The following ASTN2 variants were observed in gnomAD, a reference collection of about 807,000 sequenced individuals.
ASTN2 encodes astrotactin 2, also known as astrotactin-2.
A neutral mutation model predicts 139.8 loss-of-function variants in ASTN2; 54 were observed. The observed-to-expected ratio is 0.39, with a 90% CI of 0.31 to 0.48. ASTN2 has a LOEUF of 0.48. ASTN2 is among the 20% of genes least tolerant of loss of function. The pLI, the probability that ASTN2 is intolerant of heterozygous loss-of-function variation, is 0.95. For synonymous variants in ASTN2, 756 were observed against 719.5 expected (o/e 1.05, Z -0.81); for missense variants, 1,565 against 1,725.1 (o/e 0.91, Z 1.64).
At chr9:117,250,601 C>T (rs546268855) in intron 2 of ASTN2, among the ~76,000 whole-genome samples, 24 of 152,196 alleles carry the variant, frequency 1.6e-4, no homozygotes, top group Non-Finnish European at 2.9e-5. Flanking sequence ...GAAGCACCTA[C>T]TATTAGGTTG....
chr9:117,300,914 GCCTCTGCCTCCAAT>G (rs1433418652), intron 1 of ASTN2, among the ~76,000 whole-genome samples: 2 of 152,156 alleles, frequency 1.3e-5, no homozygotes, highest in Admixed American at 6.5e-5. Context: ...GCTCATCTCT[GCCTCTGCCTCCAAT>G]CTGCCCATTA....
intron 3 of ASTN2, among the ~76,000 whole-genome samples, chr9:117,187,661 G>A (rs531642026): frequency 7.6e-4 from 115 of 152,210 alleles, no homozygotes; most frequent in African/African-American, 2.6e-3. Context: ...GATGCCCTGC[G>A]CTGCCTCAGG....
rs901358396 is a variant in ASTN2, at chr9:116,890,964, GCT to G, written c.1890-27233_1890-27232del. On this transcript the variant is annotated intron_variant, in intron 10 of 22. Coordinates refer to ENST00000313400, the MANE Select transcript of ASTN2 (RefSeq NM_001365068.1). ...TCAAGGTTAGCATAGGAAGAATTAA[GCT>G]CTCTGTTAGGCTTCACATCAACAAG... Among the ~76,000 whole-genome samples the G allele has an allele frequency of 4.1e-4, 63 of 152,164 alleles. 1 individual carries two copies. Among genetic ancestry groups the G allele is most frequent in the African/African-American group, 1.5e-3 (62 of 41,446 alleles).
intron 13 of ASTN2, among the ~76,000 whole-genome samples, chr9:116,747,771 G>A (rs183407971): frequency 5.9e-5 from 9 of 151,842 alleles, no homozygotes; most frequent in Non-Finnish European, 1.2e-4. Context: ...GTGAAGCCTG[G>A]GTTACACAAA....
intron 7 of ASTN2, among the ~76,000 whole-genome samples, chr9:117,005,080 A>ATTTTTTTTTTTTTTTTT (rs35759848): frequency 1.3e-5 from 1 of 74,666 alleles, no homozygotes; most frequent in Non-Finnish European, 2.3e-5. Flanking sequence ...CCTGTAGTCG[A>ATTTTTTTTTTTTTTTTT]TTTTTTTTTT....
chr9:116,802,987 T>C (rs1384927585), intron 13 of ASTN2, among the ~76,000 whole-genome samples: 1 of 87,000 alleles, frequency 1.1e-5, no homozygotes, highest in Admixed American at 1.3e-4. Context: ...TTCCTTCTAA[T>C]TCCTTTCAAC....
intron 19 of ASTN2, among the ~76,000 whole-genome samples, chr9:116,497,026 G>A (rs73522427): frequency 0.012 from 1,850 of 152,310 alleles, 34 homozygotes; most frequent in African/African-American, 0.042. Context: ...TCACCCAGGA[G>A]TGTTATTTCC....
chr9:117,207,550 C>T (rs2133006287), intron 3 of ASTN2, among the ~76,000 whole-genome samples: 1 of 152,226 alleles, frequency 6.6e-6, no homozygotes, highest in Middle Eastern at 3.4e-3. Context: ...ACTGAGCAAA[C>T]TTATGCCCAT....
At position 117,298,736 on chromosome 9, in the gene ASTN2, A is replaced by G. The variant is rs561122034; in HGVS notation, c.443-7223T>C. On this transcript the variant is annotated intron_variant, in intron 1 of 22. Transcript: ENST00000313400. ...TGTGTGTGTGTGTGTGTGTGTGTATATATATATATCTTAAAATAGTCTATA... is the reference window on the plus strand; with the variant it reads ...TGTGTGTGTGTGTGTGTGTGTGTATGTATATATATCTTAAAATAGTCTATA... Among the ~76,000 whole-genome samples the G allele has an allele frequency of 8.3e-3, 1,207 of 145,352 alleles. 11 individuals carry two copies. The highest frequency in any genetic ancestry group is 0.025 in the Middle Eastern group (7 of 276).
At chr9:116,450,254 G>A (rs1166712758) in intron 20 of ASTN2, among the ~76,000 whole-genome samples, 5 of 152,152 alleles carry the variant, frequency 3.3e-5, no homozygotes, top group Admixed American at 6.5e-5. Context: ...GCAGAATCAC[G>A]TAATTGTGAC....
intron 5 of ASTN2, among the ~76,000 whole-genome samples, chr9:117,058,502 G>A (rs1009296781): frequency 6.6e-6 from 1 of 152,178 alleles, no homozygotes; most frequent in African/African-American, 2.4e-5. Context: ...TTACAGAGGA[G>A]AAACTTAAGT....
intron 11 of ASTN2, among the ~76,000 whole-genome samples, chr9:116,854,791 A>G (rs1035540942): frequency 5.3e-5 from 8 of 151,638 alleles, no homozygotes; most frequent in African/African-American, 1.7e-4. Context: ...AGCTGGGACT[A>G]TAGGAGCCTG....
At chr9:116,527,679 C>A (rs1443335622) in intron 19 of ASTN2, among the ~76,000 whole-genome samples, 1 of 152,118 alleles carries the variant, frequency 6.6e-6, no homozygotes, top group African/African-American at 2.4e-5. Context: ...TGTGTCCCCA[C>A]ACAAATCTCA....
Position 117,349,960 on chromosome 9 carries a change from CA to C in ASTN2, c.443-58448del, listed in dbSNP as rs558533487. On this transcript the variant is annotated intron_variant, in intron 1 of 22. Coordinates refer to ENST00000313400, the MANE Select transcript of ASTN2 (RefSeq NM_001365068.1). ...ATGCAACACAGATTGAACACTGGGA[CA>C]AAAAAAAGGACATTGGTGGAAACCG... Among the ~76,000 whole-genome samples the C allele has an allele frequency of 4.6e-5, 7 of 150,810 alleles. No individual in the cohort carries two copies. The East Asian group carries it at 7.8e-4, about 17-fold the overall frequency.
At chr9:116,836,229 T>A (rs1238979998) in intron 11 of ASTN2, among the ~76,000 whole-genome samples, 1 of 151,422 alleles carries the variant, frequency 6.6e-6, no homozygotes, top group Non-Finnish European at 1.5e-5. Context: ...GGTGGCCCCA[T>A]GAATGCTGGT....
chr9:117,376,105 G>A (rs1203118612), intron 1 of ASTN2, among the ~76,000 whole-genome samples: 2 of 151,952 alleles, frequency 1.3e-5, no homozygotes, highest in Non-Finnish European at 1.5e-5. Flanking sequence ...TTTCCATATG[G>A]CATAGAATAT....
At chr9:116,476,008 C>T (rs1436652875) in intron 20 of ASTN2, among the ~76,000 whole-genome samples, 1 of 152,174 alleles carries the variant, frequency 6.6e-6, no homozygotes, top group Non-Finnish European at 1.5e-5. Context: ...TAAAAGGGCA[C>T]CACAAATTTG....
At chr9:117,231,034 G>A (rs1458797908) in intron 2 of ASTN2, among the ~76,000 whole-genome samples, 1 of 152,172 alleles carries the variant, frequency 6.6e-6, no homozygotes, top group Non-Finnish European at 1.5e-5. Flanking sequence ...TAAGCCTGCA[G>A]GAGACCTTAT....
intron 3 of ASTN2, among the ~76,000 whole-genome samples, chr9:117,196,525 C>G (rs1398203046): frequency 1.3e-5 from 2 of 152,166 alleles, no homozygotes; most frequent in Non-Finnish European, 2.9e-5. Flanking sequence ...AAGGTTCAGT[C>G]TACTGGTCCC....
Sources: allele counts gnomAD v4.1 joint callset (sites outside exome capture counted in the v4.1 genomes callset), GRCh38; gene constraint gnomAD v4.1.1; transcripts MANE v1.5; gene names NCBI Gene and HGNC (gene_info 2026-07-23, HGNC 2026-07-21).